MGAT5: variants seen among roughly 807,000 people sequenced by gnomAD.
MGAT5 encodes the protein alpha-1,6-mannosylglycoprotein 6-beta-N-acetylglucosaminyltransferase.
Under a neutral mutation model 94.3 loss-of-function variants are expected in MGAT5, and 30 were observed. The observed-to-expected ratio is 0.32, with a 90% confidence interval of 0.24 to 0.43. MGAT5 has a LOEUF of 0.43. Ranked by LOEUF, MGAT5 falls within the 20% of genes least tolerant of loss-of-function variation. The probability of loss-of-function intolerance (pLI) is 1.00; values close to 1 mark genes in which losing one functional copy is unlikely to be tolerated. For synonymous variants in MGAT5, 310 were observed against 322.9 expected (o/e 0.96, Z 0.43); for missense variants, 691 against 905.5 (o/e 0.76, Z 3.04).
At chr2:134,226,810 A>G (rs1681088923) in intron 1 of MGAT5, among the ~76,000 whole-genome samples, 1 of 152,166 alleles carries the variant, frequency 6.6e-6, no homozygotes, top group African/African-American at 2.4e-5. Flanking sequence ...ATGGTTCTTT[A>G]GTACATGACT....
At chr2:134,358,781 T>C (rs528265960) in intron 9 of MGAT5, among the ~76,000 whole-genome samples, 8 of 152,360 alleles carry the variant, frequency 5.3e-5, no homozygotes, top group Non-Finnish European at 8.8e-5. Flanking sequence ...TTGGTAGATA[T>C]AGTGTATGCT....
intron 1 of MGAT5, among the ~76,000 whole-genome samples, chr2:134,151,326 G>A (rs1687161829): frequency 7.3e-6 from 1 of 136,972 alleles, no homozygotes; most frequent in African/African-American, 2.8e-5. Context: ...ACTCACCCAT[G>A]CCCTGTGGGA....
chr2:134,154,002 A>AT (rs1249335461), intron 1 of MGAT5, among the ~76,000 whole-genome samples: 1 of 151,742 alleles, frequency 6.6e-6, no homozygotes, highest in Non-Finnish European at 1.5e-5. Flanking sequence ...ATTTTATTTT[A>AT]TTTTTTTATC....
chr2:134,342,821 CG>C (rs1353142708), intron 7 of MGAT5, among the ~76,000 whole-genome samples: 2 of 151,786 alleles, frequency 1.3e-5, no homozygotes, highest in Non-Finnish European at 2.9e-5. Flanking sequence ...GTTTTGGTGT[CG>C]GGCATACAGA....
At chr2:134,188,103 C>T (rs2105209497) in intron 1 of MGAT5, among the ~76,000 whole-genome samples, 1 of 152,378 alleles carries the variant, frequency 6.6e-6, no homozygotes, top group South Asian at 2.1e-4. Context: ...TAGTTAACCT[C>T]CCTCAGTGCT....
chr2:134,185,251 G>C lies in MGAT5; in HGVS notation c.-143+64960G>C, dbSNP rs1007103031. On this transcript the variant is annotated intron_variant, in intron 1 of 16. Coordinates refer to the MGAT5 transcript ENST00000409645. ...GAGCAGAGCCTCATCCTGCAGCCCT[G>C]TGGTCATCGAGGGAATTCCAGAATG... Among the ~76,000 whole-genome samples, 4 of 152,172 alleles carry C rather than the reference G, an allele frequency of 2.6e-5. No homozygotes were observed. In the East Asian group the frequency reaches 5.8e-4, roughly 22 times the overall value.
chr2:134,393,806 G>T (rs1682551867), intron 10 of MGAT5, among the ~76,000 whole-genome samples: 1 of 152,178 alleles, frequency 6.6e-6, no homozygotes. Context: ...CATGTTTTAT[G>T]TAATTCAGAA....
chr2:134,434,051 C>T (rs2106396448), intron 14 of MGAT5, among the ~76,000 whole-genome samples: 1 of 152,272 alleles, frequency 6.6e-6, no homozygotes, highest in African/African-American at 2.4e-5. Flanking sequence ...ACCACTTAGC[C>T]CTCTCTGACT....
At chr2:134,153,789 T>A (rs750836922) in intron 1 of MGAT5, among the ~76,000 whole-genome samples, 5 of 152,178 alleles carry the variant, frequency 3.3e-5, no homozygotes, top group Non-Finnish European at 5.9e-5. Flanking sequence ...TGACTATACT[T>A]CTCGAGCAGT....
chr2:134,436,736 C>T (rs747147070), intron 14 of MGAT5, among the ~76,000 whole-genome samples: 3 of 152,154 alleles, frequency 2.0e-5, no homozygotes, highest in Non-Finnish European at 4.4e-5. Context: ...GAAGGGCTAA[C>T]AGGTGGAAAA....
At chr2:134,148,883 C>T (rs979703419) in intron 1 of MGAT5, among the ~76,000 whole-genome samples, 4 of 151,532 alleles carry the variant, frequency 2.6e-5, no homozygotes, top group East Asian at 1.9e-4. Flanking sequence ...CTCAGCCTCC[C>T]GAGTAGCTGG....
intron 1 of MGAT5, among the ~76,000 whole-genome samples, chr2:134,198,029 A>G (rs1161252516): frequency 6.6e-6 from 1 of 152,214 alleles, no homozygotes; most frequent in Non-Finnish European, 1.5e-5. Flanking sequence ...GAAAGGGAGA[A>G]TAGCTTTGGG....
intron 1 of MGAT5, among the ~76,000 whole-genome samples, chr2:134,198,724 T>A (rs1679619688): frequency 6.6e-6 from 1 of 152,184 alleles, no homozygotes; most frequent in African/African-American, 2.4e-5. Context: ...GGAGTGGACT[T>A]TTAAGCAAAC....
At chr2:134,337,970 T>C (rs1688424375) in intron 5 of MGAT5, among the ~76,000 whole-genome samples, 1 of 152,170 alleles carries the variant, frequency 6.6e-6, no homozygotes, top group Non-Finnish European at 1.5e-5. Flanking sequence ...ACCATACTCA[T>C]TATAAAAACT....
intron 12 of MGAT5, among the ~76,000 whole-genome samples, chr2:134,421,010 T>TA (rs1684258449): frequency 6.6e-6 from 1 of 152,218 alleles, no homozygotes; most frequent in South Asian, 2.1e-4. Flanking sequence ...CCTTTTTACT[T>TA]AAAATTGACA....
chr2:134,183,112 T>G (rs1688830211), intron 1 of MGAT5, among the ~76,000 whole-genome samples: 1 of 152,162 alleles, frequency 6.6e-6, no homozygotes, highest in Non-Finnish European at 1.5e-5. Flanking sequence ...TTTAACCAAT[T>G]TCTTGGTTTT....
intron 15 of MGAT5, among the ~76,000 whole-genome samples, chr2:134,442,945 T>C (rs544895840): frequency 6.6e-6 from 1 of 152,130 alleles, no homozygotes; most frequent in Admixed American, 6.5e-5. Flanking sequence ...AGAGGATGTT[T>C]AGGAAGTGGA....
chr2:134,167,727 C>G (rs1296065203), intron 1 of MGAT5, among the ~76,000 whole-genome samples: 1 of 152,206 alleles, frequency 6.6e-6, no homozygotes, highest in African/African-American at 2.4e-5. Flanking sequence ...CTTTGTGATA[C>G]TGCAAATGAA....
chr2:134,260,268 C>G (rs1429877052), intron 1 of MGAT5, among the ~76,000 whole-genome samples: 2 of 152,198 alleles, frequency 1.3e-5, no homozygotes, highest in Admixed American at 6.5e-5. Flanking sequence ...ACTGCTTTCT[C>G]TATGGGAGGA....
Sources: allele counts gnomAD v4.1 joint callset (sites outside exome capture counted in the v4.1 genomes callset), GRCh38; gene constraint gnomAD v4.1.1; transcripts MANE v1.5; gene names NCBI Gene and HGNC (gene_info 2026-07-23, HGNC 2026-07-21).